TMEM150C: variants seen among roughly 807,000 people sequenced by gnomAD.
TMEM150C encodes tentonin 3.
A neutral mutation model predicts 29.9 loss-of-function variants in TMEM150C; 10 were observed. The ratio of observed to expected loss-of-function variants is 0.33; its 90% CI spans 0.21 to 0.57. TMEM150C has a LOEUF of 0.57. Ranked by LOEUF, TMEM150C falls within the 20% of genes least tolerant of loss-of-function variation. The pLI is 0.88. For missense variants in TMEM150C, 251 were observed against 303.6 expected, an observed-to-expected ratio of 0.83 and a Z score of 1.29; for synonymous variants, 101 against 112.5, an observed-to-expected ratio of 0.90 and a Z score of 0.64.
intron 6 of TMEM150C, chr4:82,490,905 T>C (rs1723319402): frequency 2.8e-6 from 2 of 713,172 alleles, no homozygotes; most frequent in Non-Finnish European, 5.2e-6. Context: ...ACCCAGGACA[T>C]TGCCTCCCCA....
intron 5 of TMEM150C, among the ~76,000 whole-genome samples, chr4:82,499,218 C>T (rs1377194914): frequency 2.6e-5 from 4 of 152,146 alleles, no homozygotes; most frequent in Admixed American, 2.0e-4. Context: ...GACTTACGGG[C>T]CATTTCAAAG....
intron 1 of TMEM150C, among the ~76,000 whole-genome samples, chr4:82,534,534 G>A (rs1210266321): frequency 6.6e-6 from 1 of 152,144 alleles, no homozygotes; most frequent in Admixed American, 6.5e-5. Flanking sequence ...CAAATAAATG[G>A]AGAGACAGTA....
At chr4:82,500,188 A>C (rs1723692874) in intron 5 of TMEM150C, among the ~76,000 whole-genome samples, 1 of 152,270 alleles carries the variant, frequency 6.6e-6, no homozygotes, top group African/African-American at 2.4e-5. Flanking sequence ...AAGATAAAAT[A>C]TCTTTGCTAA....
chr4:82,495,040 G>A (rs1164995744), intron 6 of TMEM150C: 22 of 1,228,784 alleles, frequency 1.8e-5, no homozygotes, highest in East Asian at 5.3e-5. Flanking sequence ...TGCAGGACAC[G>A]TGGAGTAACA....
intron 1 of TMEM150C, among the ~76,000 whole-genome samples, chr4:82,557,904 T>G (rs1471847956): frequency 6.6e-6 from 1 of 151,950 alleles, no homozygotes; most frequent in Non-Finnish European, 1.5e-5. Flanking sequence ...AATTTTTTTT[T>G]GTATTTTTAG....
intron 1 of TMEM150C, among the ~76,000 whole-genome samples, chr4:82,522,070 A>C: frequency 6.6e-6 from 1 of 152,154 alleles, no homozygotes; most frequent in East Asian, 1.9e-4. Context: ...TTCAAAAAAA[A>C]AATTTACTCT....
intron 1 of TMEM150C, among the ~76,000 whole-genome samples, chr4:82,508,886 G>C (rs1303846067): frequency 6.6e-6 from 1 of 152,038 alleles, no homozygotes; most frequent in African/African-American, 2.4e-5. Flanking sequence ...TTATATCTAG[G>C]ACAACGTCAC....
chr4:82,532,885 C>A lies in TMEM150C; in HGVS notation c.-10-28218G>T, dbSNP rs144168743. Among the ~76,000 whole-genome samples the A allele has an allele frequency of 7.9e-5, 12 of 152,050 alleles. No individual in the cohort carries two copies. The East Asian group carries it at 2.3e-3, about 29-fold the overall frequency. On this transcript the variant is annotated intron_variant, in intron 1 of 7. Coordinates refer to ENST00000449862, the MANE Select transcript of TMEM150C (RefSeq NM_001080506.3). ...CTAGGACTACAGGTGCCTACCACCA[C>A]GCCCGGCTAATTTTTTGTATTTTTA...
At chr4:82,540,992 C>T (rs1725183029) in intron 1 of TMEM150C, among the ~76,000 whole-genome samples, 1 of 152,114 alleles carries the variant, frequency 6.6e-6, no homozygotes. Flanking sequence ...TGAATTTAAG[C>T]AATTTATTTA....
rs1198662888 is a variant in TMEM150C, at chr4:82,498,422, TG to T, written c.236-2228del. Among the ~76,000 whole-genome samples, 6 of 152,340 alleles carry T rather than the reference TG, an allele frequency of 3.9e-5. No individual in the cohort carries two copies. The East Asian group carries it at 1.2e-3, about 29-fold the overall frequency. Reference sequence around the variant, plus strand: ...CTCCTGCCTCAGCCTCCTGAGCAGCTGGGACTACAGGTGCACGCCACCAAGC... The same window carrying T: ...CTCCTGCCTCAGCCTCCTGAGCAGCTGGACTACAGGTGCACGCCACCAAGC... On this transcript the variant is annotated intron_variant, in intron 5 of 7. Coordinates refer to ENST00000449862, the MANE Select transcript of TMEM150C (RefSeq NM_001080506.3).
At position 82,490,040 on chromosome 4, in the gene TMEM150C, CT is replaced by C; in HGVS notation, c.541+20del. On this transcript the variant is annotated intron_variant, in intron 7 of 7. Transcript: ENST00000449862. ...GTTTTCATCTTACTGGCAAAAGAAG[CT>C]TTTCACGTTCAAAGGATACAGAGGA... is the stretch of plus-strand genomic sequence containing the variant. 1 of 1,607,402 alleles carries C rather than the reference CT, an allele frequency of 6.2e-7. No individual in the cohort carries two copies.
intron 1 of TMEM150C, among the ~76,000 whole-genome samples, chr4:82,519,392 G>A (rs192941070): frequency 1.3e-5 from 2 of 151,188 alleles, no homozygotes; most frequent in African/African-American, 2.4e-5. Flanking sequence ...CTATATATAC[G>A]ATGTTCTTTC....
intron 1 of TMEM150C, among the ~76,000 whole-genome samples, chr4:82,510,761 T>C (rs1383202370): frequency 6.6e-6 from 1 of 152,134 alleles, no homozygotes; most frequent in Non-Finnish European, 1.5e-5. Context: ...TTCATTCTGC[T>C]CTCAGGGCCA....
In TMEM150C at chr4:82,496,175, G is replaced by T; in HGVS notation, c.256C>A (p.Arg86Ser). The T allele has an allele frequency of 3.1e-6, 5 of 1,613,882 alleles. No homozygotes were observed. Among genetic ancestry groups the T allele is most frequent in the Non-Finnish European group, 4.2e-6 (5 of 1,179,834 alleles). ...ACCTTCGGTTTCAGTTGTATGAAGC[G>T]CAGAACAGCTACCACAAGGGCTAGG... ...AFLALVVAVL[R>S]FIQLKPKVLN... Residue 86 changes from arginine to serine, a missense_variant, in exon 6 of 8, where the codon CGC (arginine) becomes AGC (serine). Physicochemically the swap from Arg to Ser is moderately radical, Grantham distance 110. Transcript: ENST00000449862.
At chr4:82,511,470 C>T (rs1281458350) in intron 1 of TMEM150C, among the ~76,000 whole-genome samples, 3 of 72,604 alleles carry the variant, frequency 4.1e-5, no homozygotes, top group East Asian at 4.7e-4. Context: ...TGTCCCAACA[C>T]TATTTTTTTT....
At chr4:82,514,867 T>C (rs566090562) in intron 1 of TMEM150C, among the ~76,000 whole-genome samples, 1 of 152,160 alleles carries the variant, frequency 6.6e-6, no homozygotes, top group African/African-American at 2.4e-5. Flanking sequence ...CTCACTGATA[T>C]GAAATAGCCA....
At chr4:82,538,798 T>C (rs948582136) in intron 1 of TMEM150C, among the ~76,000 whole-genome samples, 2 of 152,156 alleles carry the variant, frequency 1.3e-5, no homozygotes, top group African/African-American at 2.4e-5. Flanking sequence ...CAGTGGCTCA[T>C]GCCTGCAATC....
intron 1 of TMEM150C, among the ~76,000 whole-genome samples, chr4:82,553,217 C>T (rs536519780): frequency 6.6e-6 from 1 of 152,206 alleles, no homozygotes; most frequent in East Asian, 1.9e-4. Flanking sequence ...TAGCTGACTC[C>T]TATCGAAAAA....
At chr4:82,562,049 C>T (rs1725957488), upstream of TMEM150C, 1 of 1,153,152 alleles carries the variant, frequency 8.7e-7, no homozygotes, top group South Asian at 1.6e-5. Flanking sequence ...CCCCTCCTGC[C>T]GCGCCGGGGC....
Sources: allele counts gnomAD v4.1 joint callset (sites outside exome capture counted in the v4.1 genomes callset), GRCh38; gene constraint gnomAD v4.1.1; transcripts MANE v1.5; gene names NCBI Gene and HGNC (gene_info 2026-07-23, HGNC 2026-07-21).